PRXL2B: variants seen among roughly 807,000 people sequenced by gnomAD.
PRXL2B encodes the protein peroxiredoxin like 2B.
In PRXL2B, 26 loss-of-function variants were observed where a neutral mutation model predicts 24.4. The ratio of observed to expected loss-of-function variants is 1.07; its 90% confidence interval spans 0.78 to 1.48. The LOEUF (loss-of-function observed/expected upper bound fraction) is 1.48. Ranked by LOEUF, PRXL2B falls within the 40% of genes most tolerant of loss-of-function variation. PRXL2B has a pLI of 0.00. For synonymous variants in PRXL2B, 115 were observed against 118.9 expected (o/e 0.97, Z 0.21); for missense variants, 269 against 264.8 (o/e 1.02, Z -0.11).
Position 2,587,731 on chromosome 1 carries a change from C to A in PRXL2B, c.269-10C>A, listed in dbSNP as rs750625258. 1 of 1,598,890 alleles carries A rather than the reference C, an allele frequency of 6.3e-7. No individual in the cohort carries two copies. Among genetic ancestry groups the A allele is most frequent in the Non-Finnish European group, 8.5e-7 (1 of 1,173,068 alleles). On this transcript the variant is annotated splice_polypyrimidine_tract_variant and intron_variant, in intron 2 of 6. Transcript: ENST00000419916. This position sits in a 1 kb window ranked among gnomAD's most constrained non-coding sequence, Gnocchi z 6.1. ...GCCTGGGGCACACACATGTGGCTTCCGCTTTCCAGAGCTCTACCTGGATGA... is the reference window on the plus strand; with the variant it reads ...GCCTGGGGCACACACATGTGGCTTCAGCTTTCCAGAGCTCTACCTGGATGA...
In PRXL2B at chr1:2,587,913, C is replaced by T. The variant is rs897014243; in HGVS notation, c.320+121C>T. ...TGCTGTCCACTCGGGCCTTCCTGGG[C>T]AAGGCGGCTCTGGTGGCACTGTTGA... On this transcript the variant is annotated intron_variant, in intron 3 of 6. Coordinates refer to ENST00000419916, the MANE Select transcript of PRXL2B (RefSeq NM_152371.5). This position sits in a 1 kb window ranked among gnomAD's most constrained non-coding sequence, Gnocchi z 6.1. 9 of 1,155,330 alleles carry T rather than the reference C, an allele frequency of 7.8e-6. No homozygotes were observed. The highest frequency in any genetic ancestry group is 3.1e-5 in the African/African-American group (2 of 64,858). The allele number at this position is 1,155,330 out of a possible 1,614,324, so 71.6% of individuals were successfully genotyped here.
rs1261680993 is a variant in PRXL2B at position 2,587,138 on chromosome 1, C to T, written c.111C>T (p.Ala37=). 1.3e-6 allele frequency: 2 copies of T among 1,538,000 alleles called. No individual in the cohort carries two copies. The highest frequency in any genetic ancestry group is 1.4e-5 in the African/African-American group (1 of 73,056). ...GGCGGGAGCACGCGTGCGTGGTGGC[C>T]GGGCTGCGGCGCTTCGGGTGCGTGG... ...SLWREHACVV[A]GLRRFGCVVC... Residue 37 remains alanine (A), a synonymous_variant, in exon 2 of 7, where the codon GCC becomes GCT. Coordinates refer to ENST00000419916, the MANE Select transcript of PRXL2B (RefSeq NM_152371.5). The surrounding 1 kb of genome is among the most constrained non-coding windows in gnomAD (Gnocchi z 6.1).
intron 3 of PRXL2B, 176 bp from the exon 4 acceptor site, chr1:2,588,214 C>A: frequency 4.9e-6 from 4 of 817,424 alleles, no homozygotes; most frequent in Non-Finnish European, 5.9e-6. Flanking sequence ...GCTCGGTGTC[C>A]AACCTGCCGG....
At position 2,588,472 on chromosome 1, in the gene PRXL2B, T is replaced by G. The variant is rs764179151; in HGVS notation, c.384+19T>G. 2 of 1,613,778 alleles carry G rather than the reference T, an allele frequency of 1.2e-6. No individual in the cohort carries two copies. Among genetic ancestry groups the G allele is most frequent in the Non-Finnish European group, 1.7e-6 (2 of 1,179,820 alleles). ...TGCCAAGGTGTGTGCGGGTCAAGGG[T>G]GTACAGGCCGGGGGGTGGTGGGAGC... On this transcript the variant is annotated intron_variant, in intron 4 of 6. Transcript: ENST00000419916.
At chr1:2,589,127 G>C (rs1187995893) in intron 6 of PRXL2B, 87 bp downstream of exon 6, 12 of 1,303,632 alleles carry the variant, frequency 9.2e-6, no homozygotes, top group African/African-American at 4.4e-5. Context: ...GCTGGGAGCT[G>C]AGCCACAGCG....
In PRXL2B at chr1:2,590,740, C is replaced by T; in HGVS notation, c.*1313C>T. 1 of 397,448 alleles carries T rather than the reference C, an allele frequency of 2.5e-6. No homozygotes were observed. Among genetic ancestry groups the T allele is most frequent in the Admixed American group, 4.4e-5 (1 of 22,518 alleles). The allele number at this position is 397,448 out of a possible 1,614,324, so 24.6% of individuals were successfully genotyped here. A position where few individuals can be genotyped will look rare whatever the true frequency, so the allele number is the denominator to read the frequency against. On this transcript the variant is annotated 3_prime_UTR_variant, in exon 7 of 7. Coordinates refer to ENST00000419916, the MANE Select transcript of PRXL2B (RefSeq NM_152371.5). ...GACACAGTTGATTGTCTCTACAGAGCTGTGACGGGGGCACTGAGCCCCGCG... is the reference window on the plus strand; with the variant it reads ...GACACAGTTGATTGTCTCTACAGAGTTGTGACGGGGGCACTGAGCCCCGCG...
chr1:2,589,138 C>A, intron 6 of PRXL2B, 98 bp downstream of exon 6: 1 of 1,206,432 alleles, frequency 8.3e-7, no homozygotes, highest in Non-Finnish European at 1.2e-6. Flanking sequence ...AGCCACAGCG[C>A]TGTGGGCATC....
At chr1:2,586,996 C>T in intron 1 of PRXL2B, 48 bp downstream of exon 1, 2 of 1,317,820 alleles carry the variant, frequency 1.5e-6, no homozygotes, top group Non-Finnish European at 1.9e-6. Context: ...TGGCTCCTTG[C>T]CCGGGCGTCC....
chr1:2,587,158 G>T lies in PRXL2B; in HGVS notation c.131G>T (p.Cys44Phe). ...CVVAGLRRFGCVVCRWIAQDL... is the reference protein window; with the variant it reads ...CVVAGLRRFGFVVCRWIAQDL... ...GTGGCCGGGCTGCGGCGCTTCGGGT[G>T]CGTGGTGTGCCGCTGGATCGCCCAG... The change falls in exon 2 of 7, where the codon TGC (cysteine) becomes TTC (phenylalanine). Residue 44 changes from cysteine to phenylalanine, a missense_variant. Cys to Phe is a radical substitution (Grantham distance 205). Coordinates refer to ENST00000419916, the MANE Select transcript of PRXL2B (RefSeq NM_152371.5). The surrounding 1 kb of genome is among the most constrained non-coding windows in gnomAD (Gnocchi z 6.1). 1 of 1,549,382 alleles carries T rather than the reference G, an allele frequency of 6.5e-7. No individual in the cohort carries two copies. Among genetic ancestry groups the T allele is most frequent in the East Asian group, 2.4e-5 (1 of 41,688 alleles).
intron 3 of PRXL2B, 190 bp from the exon 4 acceptor site, chr1:2,588,200 C>T: frequency 4.1e-6 from 3 of 731,900 alleles, no homozygotes; most frequent in Non-Finnish European, 6.8e-6. Context: ...CTAGCAGCCA[C>T]TGGGCTCGGT....
At chr1:2,588,786 A>G (rs1045293894) in intron 5 of PRXL2B, 136 bp from the exon 6 acceptor site, 4 of 1,177,758 alleles carry the variant, frequency 3.4e-6, no homozygotes, top group Non-Finnish European at 5.0e-6. Flanking sequence ...GGGCTGTGGC[A>G]GAACAGCTCA....
Position 2,589,456 on chromosome 1 carries a change from T to G in PRXL2B, c.*29T>G. ...AGGCGAAGGCCCTGGCCTCCGAGGA[T>G]CTGGGTGGCGTCTGCTGCCCTAGGT... On this transcript the variant is annotated 3_prime_UTR_variant, in exon 7 of 7. Transcript: ENST00000419916. 2 of 1,613,682 alleles carry G rather than the reference T, an allele frequency of 1.2e-6. No homozygotes were observed. The highest frequency in any genetic ancestry group is 1.7e-6 in the Non-Finnish European group (2 of 1,179,886).
chr1:2,588,719 C>T, intron 5 of PRXL2B, 94 bp downstream of exon 5: 2 of 1,400,856 alleles, frequency 1.4e-6, no homozygotes, highest in South Asian at 2.4e-5. Flanking sequence ...TTGTCAGTCT[C>T]ATCACAGCCC....
rs1644650393 is a variant in PRXL2B at position 2,590,264 on chromosome 1, C to G, written c.*837C>G. 6.6e-6 allele frequency: 1 copy of G among 152,584 alleles called. No individual in the cohort carries two copies. The highest frequency in any genetic ancestry group is 2.1e-4 in the South Asian group (1 of 4,836). The allele number at this position is 152,584 out of a possible 1,614,324, so 9.5% of individuals were successfully genotyped here. On this transcript the variant is annotated 3_prime_UTR_variant, in exon 7 of 7. Coordinates refer to ENST00000419916, the MANE Select transcript of PRXL2B (RefSeq NM_152371.5). ...GGGTCTCCCGGCTCCCTTCCTGCCC[C>G]CAATGCCACCCTTGCAGTGGCCATT...
intron 6 of PRXL2B, 46 bp from the exon 7 acceptor site, chr1:2,589,364 C>T (rs748601441): frequency 6.2e-7 from 1 of 1,607,296 alleles, no homozygotes; most frequent in South Asian, 1.1e-5. Context: ...AGGCATTTGT[C>T]TGATCCAGTG....
At chr1:2,586,649 G>C, upstream of PRXL2B, 4 of 1,007,216 alleles carry the variant, frequency 4.0e-6, no homozygotes, top group South Asian at 4.7e-5. Context: ...AGCAGGGCTC[G>C]GGGTGCGGTC....
rs1411831754 is a variant in PRXL2B, at chr1:2,590,452, G to C, written c.*1025G>C. On this transcript the variant is annotated 3_prime_UTR_variant, in exon 7 of 7. Transcript: ENST00000419916. Reference sequence around the variant, plus strand: ...ATCTGAATGTGTGGTCCCTGGGGGTGGGCACTTGGGGGCATCCTGGTCACT... The same window carrying C: ...ATCTGAATGTGTGGTCCCTGGGGGTCGGCACTTGGGGGCATCCTGGTCACT... 6.5e-6 allele frequency: 1 copy of C among 152,810 alleles called. No individual in the cohort carries two copies. Among genetic ancestry groups the C allele is most frequent in the Admixed American group, 6.5e-5 (1 of 15,290 alleles). 9.5% of individuals were successfully genotyped at this position (152,810 alleles called of 1,614,324 possible).
In PRXL2B at chr1:2,591,423, C is replaced by G; in HGVS notation, c.*1996C>G. The G allele has an allele frequency of 2.7e-6, 2 of 744,358 alleles. No individual in the cohort carries two copies. Among genetic ancestry groups the G allele is most frequent in the Non-Finnish European group, 4.6e-6 (2 of 430,490 alleles). The allele number at this position is 744,358 out of a possible 1,614,324, so 46.1% of individuals were successfully genotyped here. Reference sequence around the variant, plus strand: ...GTCCCTGACCGAAATCGGCCAGAAGCCCCTCTCAGGTTTATTCCCAAAATA... The same window carrying G: ...GTCCCTGACCGAAATCGGCCAGAAGGCCCTCTCAGGTTTATTCCCAAAATA... On this transcript the variant is annotated 3_prime_UTR_variant, in exon 7 of 7. Coordinates refer to ENST00000419916, the MANE Select transcript of PRXL2B (RefSeq NM_152371.5).
In PRXL2B at chr1:2,588,974, C is replaced by T. The variant is rs766878796; in HGVS notation, c.513C>T (p.Val171=). Residue 171 remains valine (V), a synonymous_variant, in exon 6 of 7, where the codon GTC becomes GTT. Transcript: ENST00000419916. Reference sequence around the variant, plus strand: ...TCCAGAAGTCCCCAGGCGACTACGTCCCCAAGGAGCACATCCTGCAGGTCC... The same window carrying T: ...TCCAGAAGTCCCCAGGCGACTACGTTCCCAAGGAGCACATCCTGCAGGTCC... ...HFVQKSPGDY[V]PKEHILQVLG... The T allele has an allele frequency of 1.3e-5, 21 of 1,613,266 alleles. No homozygotes were observed. The African/African-American group carries it at 2.0e-4, about 15-fold the overall frequency.
Sources: gnomAD v4.1 joint callset for allele counts on GRCh38, gnomAD v4.1.1 for gene constraint, Gnocchi (gnomAD v3.1) non-coding constraint, MANE v1.5 for transcripts, NCBI Gene and HGNC (gene_info 2026-07-23, HGNC 2026-07-21) for gene names.